The following FBN3 variants were observed in gnomAD, a reference collection of about 807,000 sequenced individuals.
The protein encoded by FBN3 is fibrillin 3.
Under a neutral mutation model 330.1 loss-of-function variants are expected in FBN3, and 234 were observed. The ratio of observed to expected loss-of-function variants is 0.71; its 90% CI spans 0.64 to 0.79. The LOEUF (loss-of-function observed/expected upper bound fraction) is 0.79. Ranked by LOEUF, FBN3 falls within the 30% of genes least tolerant of loss-of-function variation. The probability of loss-of-function intolerance (pLI) is 0.00; values close to 1 mark genes in which losing one functional copy is unlikely to be tolerated. For missense variants in FBN3, 3,606 were observed against 3,886.9 expected, an observed-to-expected ratio of 0.93 and a Z score of 1.92; for synonymous variants, 1,458 against 1,517.3, an observed-to-expected ratio of 0.96 and a Z score of 0.91.
chr19:8,111,307 G>T, intron 32 of FBN3, 124 bp from the exon 33 acceptor site: 1 of 1,253,930 alleles, frequency 8.0e-7, no homozygotes, highest in Non-Finnish European at 1.1e-6. Flanking sequence ...GTAGCCCTGG[G>T]GACTCAGTCC....
chr19:8,147,108 G>C lies in FBN3; in HGVS notation c.246C>G (p.Val82=). ...CCAGACGGCGGTAGCACTCACGTAC[G>C]ACACACTGGCTCCTGCCAGGGAATG... The part of the protein sequence containing the change: ...WRTFPGRSQC[V]VPICRRACGE... The change falls in exon 3 of 64, where the codon GTC becomes GTG. Residue 82 remains valine, a synonymous_variant. Coordinates refer to ENST00000600128, the MANE Select transcript of FBN3 (RefSeq NM_032447.5). 2 of 1,560,230 alleles carry C rather than the reference G, an allele frequency of 1.3e-6. No individual in the cohort carries two copies. The highest frequency in any genetic ancestry group is 1.7e-6 in the Non-Finnish European group (2 of 1,155,144).
chr19:8,110,357 C>A (rs1295321373), intron 34 of FBN3, among the ~76,000 whole-genome samples: 2 of 152,216 alleles, frequency 1.3e-5, no homozygotes, highest in African/African-American at 4.8e-5. Context: ...CCACTCCCAG[C>A]CAAAACCCAT....
Position 8,111,634 on chromosome 19 carries a change from C to CTA in FBN3, c.4084+13_4084+14insTA. ...CCCTCTAGGGCCCCTGCCCTCCCAC[C>CTA]CCTCTAATCTCACCTTCGCAGAAGA... On this transcript the variant is annotated intron_variant, in intron 32 of 63. Coordinates refer to ENST00000600128, the MANE Select transcript of FBN3 (RefSeq NM_032447.5). 1 of 1,578,570 alleles carries CTA rather than the reference C, an allele frequency of 6.3e-7. No individual in the cohort carries two copies. The highest frequency in any genetic ancestry group is 8.7e-7 in the Non-Finnish European group (1 of 1,155,598).
At chr19:8,083,063 A>G (rs1416735484) in intron 57 of FBN3, among the ~76,000 whole-genome samples, 184 bp downstream of exon 57, 3 of 152,088 alleles carry the variant, frequency 2.0e-5, no homozygotes, top group African/African-American at 7.2e-5. Context: ...GACCTCCCAA[A>G]ATACTGGGAT....
At chr19:8,144,202 G>A (rs1344030967) in intron 6 of FBN3, among the ~76,000 whole-genome samples, 1 of 151,910 alleles carries the variant, frequency 6.6e-6, no homozygotes, top group Non-Finnish European at 1.5e-5. Flanking sequence ...GGAGTTCGAG[G>A]CCAGCCTGGC....
chr19:8,110,782 G>A (rs973790469), intron 34 of FBN3, 63 bp downstream of exon 34: 11 of 1,601,282 alleles, frequency 6.9e-6, no homozygotes, highest in African/African-American at 2.7e-5. Flanking sequence ...GAGGGAGTGA[G>A]CCATGTCCCC....
chr19:8,142,578 C>A (rs944358957), intron 6 of FBN3, among the ~76,000 whole-genome samples: 1 of 152,088 alleles, frequency 6.6e-6, no homozygotes, highest in African/African-American at 2.4e-5. Context: ...TTCTCTGGAC[C>A]CCCAACATCA....
At position 8,136,199 on chromosome 19, in the gene FBN3, C is replaced by T. The variant is rs1392949842; in HGVS notation, c.1456G>A (p.Ala486Thr). The T allele has an allele frequency of 3.1e-6, 5 of 1,613,460 alleles. No individual in the cohort carries two copies. The highest frequency in any genetic ancestry group is 1.3e-5 in the African/African-American group (1 of 75,054). ...GGATGGACAGCCGTACCCACGCATG[C>T]CTGCCTGGTGGGCGTGGCCTGGAAG... ...PGFQATPTRQACVDVDECIVS... is the reference protein window; with the variant it reads ...PGFQATPTRQTCVDVDECIVS... The change falls in exon 12 of 64, where the codon GCA (alanine) becomes ACA (threonine). Residue 486 changes from alanine to threonine, a missense_variant. Transcript: ENST00000600128.
intron 14 of FBN3, among the ~76,000 whole-genome samples, chr19:8,132,223 T>A (rs1028576598): frequency 6.6e-6 from 1 of 151,828 alleles, no homozygotes; most frequent in Non-Finnish European, 1.5e-5. Flanking sequence ...TTTTTAAAAA[T>A]TTTTTATAGA....
chr19:8,073,882 A>G (rs2081580322), intron 61 of FBN3, among the ~76,000 whole-genome samples: 1 of 152,052 alleles, frequency 6.6e-6, no homozygotes. Context: ...GGGTCTTGCT[A>G]TGTTGCCTAG....
intron 59 of FBN3, among the ~76,000 whole-genome samples, chr19:8,077,739 G>C (rs2081674385): frequency 6.6e-6 from 1 of 152,090 alleles, no homozygotes; most frequent in African/African-American, 2.4e-5. Flanking sequence ...GGCTGCCTGA[G>C]CTGTCACTTG....
Position 8,115,549 on chromosome 19 carries a change from G to A in FBN3, c.3804C>T (p.Gly1268=), listed in dbSNP as rs2144855199. ...KGSFVCHCQL[G]YMVRKGATGC... is the part of the protein sequence containing the mutation. ...CTGTGGCCCCCTTCCTGACCATGTAGCCCAGCTGACAGTGGCAGACAAAGG... is the reference window on the plus strand; with the variant it reads ...CTGTGGCCCCCTTCCTGACCATGTAACCCAGCTGACAGTGGCAGACAAAGG... The change falls in exon 30 of 64, where the codon GGC becomes GGT. Residue 1268 remains glycine (G), a synonymous_variant. Coordinates refer to ENST00000600128, the MANE Select transcript of FBN3 (RefSeq NM_032447.5). 2 of 1,614,048 alleles carry A rather than the reference G, an allele frequency of 1.2e-6. No individual in the cohort carries two copies. Among genetic ancestry groups the A allele is most frequent in the Non-Finnish European group, 1.7e-6 (2 of 1,180,010 alleles).
chr19:8,102,932 G>T, intron 39 of FBN3, 59 bp from the exon 40 acceptor site: 1 of 1,564,816 alleles, frequency 6.4e-7, no homozygotes, highest in South Asian at 1.1e-5. Context: ...AGTGGAAGAG[G>T]GAGCCAAAGA....
chr19:8,111,809 T>C, intron 31 of FBN3, 39 bp from the exon 32 acceptor site: 1 of 1,604,806 alleles, frequency 6.2e-7, no homozygotes. Flanking sequence ...CCCCATGGTG[T>C]GTGCATTGGG....
chr19:8,108,669 C>G (rs1025832881), intron 36 of FBN3, among the ~76,000 whole-genome samples: 1 of 152,044 alleles, frequency 6.6e-6, no homozygotes, highest in Non-Finnish European at 1.5e-5. Flanking sequence ...ACACCTGAGG[C>G]CTTTGCACAT....
chr19:8,129,218 G>T lies in FBN3; in HGVS notation c.2170+22C>A. 6.2e-7 allele frequency: 1 copy of T among 1,612,844 alleles called. No homozygotes were observed. The highest frequency in any genetic ancestry group is 1.1e-5 in the South Asian group (1 of 90,910). ...AGTGGGAGAGGCTGCCCACACATCC[G>T]CCCGCCAGGTGGCATGCTCACCTGT... On this transcript the variant is annotated intron_variant, in intron 17 of 63. Transcript: ENST00000600128. The surrounding 1 kb of genome is among the most constrained non-coding windows in gnomAD (Gnocchi z 4.5).
At chr19:8,071,600 G>C (rs1425070657) in intron 63 of FBN3, among the ~76,000 whole-genome samples, 1 of 151,270 alleles carries the variant, frequency 6.6e-6, no homozygotes, top group Non-Finnish European at 1.5e-5. Context: ...TGGTACAAAG[G>C]CCACTTAGGG....
rs1354034325 is a variant in FBN3, at chr19:8,117,339, A to G, written c.3464-48T>C. Reference sequence around the variant, plus strand: ...GGGCTGGGGCTGGGGGGAGGGGTCCAGGATGGGGAGGGGGCTGGTTTGGGG... The same window carrying G: ...GGGCTGGGGCTGGGGGGAGGGGTCCGGGATGGGGAGGGGGCTGGTTTGGGG... On this transcript the variant is annotated intron_variant, in intron 27 of 63. Transcript: ENST00000600128. 1.5e-5 allele frequency: 16 copies of G among 1,065,222 alleles called. No homozygotes were observed. The Admixed American group carries it at 3.5e-4, about 23-fold the overall frequency. The allele number at this position is 1,065,222 out of a possible 1,614,324, so 66.0% of individuals were successfully genotyped here. A position where few individuals can be genotyped will look rare whatever the true frequency, so the allele number is the denominator to read the frequency against.
rs1022740284 is a variant in FBN3 at position 8,129,756 on chromosome 19, T to C, written c.2045-391A>G. ...AGACATCCATACAGTGGCACTGTCA[T>C]AAAAATAAAAGCAATTATAGGCCAG... On this transcript the variant is annotated intron_variant, in intron 16 of 63. Coordinates refer to ENST00000600128, the MANE Select transcript of FBN3 (RefSeq NM_032447.5). This position sits in a 1 kb window ranked among gnomAD's most constrained non-coding sequence, Gnocchi z 4.5. Among the ~76,000 whole-genome samples, 4 of 152,062 alleles carry C rather than the reference T, an allele frequency of 2.6e-5. No individual in the cohort carries two copies.
Sources: allele counts gnomAD v4.1 joint callset (sites outside exome capture counted in the v4.1 genomes callset), GRCh38; gene constraint gnomAD v4.1.1; non-coding constraint Gnocchi (gnomAD v3.1); transcripts MANE v1.5; gene names NCBI Gene and HGNC (gene_info 2026-07-23, HGNC 2026-07-21).